Variants in PRRC2B observed in about 807,000 individuals in gnomAD.
The protein encoded by PRRC2B is protein PRRC2B.
In PRRC2B, 68 loss-of-function variants were observed where a neutral mutation model predicts 242.3. That is an observed-to-expected ratio of 0.28 (90% CI 0.23 to 0.34). The LOEUF (loss-of-function observed/expected upper bound fraction) is 0.34. Among genes scored for constraint, PRRC2B ranks in the 10% least tolerant of loss-of-function variants. The pLI, the probability that PRRC2B is intolerant of heterozygous loss-of-function variation, is 1.00. For missense variants in PRRC2B, 2,835 were observed against 2,954.8 expected (o/e 0.96, Z 0.94); for synonymous variants, 1,228 against 1,173.6 (o/e 1.05, Z -0.95).
intron 2 of PRRC2B, among the ~76,000 whole-genome samples, chr9:131,431,345 C>T (rs9802850): frequency 0.88 from 134,296 of 151,884 alleles, 59,835 homozygotes; most frequent in South Asian, 0.97. Flanking sequence ...TTAGCCAGAT[C>T]GGTCTTGATC....
At chr9:131,464,694 A>C (rs1943341180) in intron 11 of PRRC2B, 69 bp from the exon 12 acceptor site, 4 of 1,392,988 alleles carry the variant, frequency 2.9e-6, no homozygotes, top group African/African-American at 1.4e-5. Context: ...ACTGATCCCA[A>C]AGTGGGAGTG....
intron 1 of PRRC2B, among the ~76,000 whole-genome samples, chr9:131,420,502 T>TCTTTC (rs1564278677): frequency 2.0e-5 from 2 of 97,896 alleles, no homozygotes; most frequent in African/African-American, 4.2e-5. Flanking sequence ...TCTTTTTTTT[T>TCTTTC]TTTTTTTTGA....
At chr9:131,452,542 T>A (rs1291471837) in intron 9 of PRRC2B, among the ~76,000 whole-genome samples, 4 of 152,212 alleles carry the variant, frequency 2.6e-5, no homozygotes, top group Non-Finnish European at 5.9e-5. Flanking sequence ...CCTTTTGATG[T>A]CTGTAGGATC....
intron 10 of PRRC2B, among the ~76,000 whole-genome samples, chr9:131,456,052 G>T (rs1325252763): frequency 6.6e-6 from 1 of 151,928 alleles, no homozygotes; most frequent in Non-Finnish European, 1.5e-5. Context: ...GGCAGAGGTT[G>T]CAGTGAGCCA....
chr9:131,481,608 G>C, intron 19 of PRRC2B, 118 bp from the exon 20 acceptor site: 1 of 795,920 alleles, frequency 1.3e-6, no homozygotes, highest in Non-Finnish European at 2.1e-6. Flanking sequence ...GGCGGGTGCA[G>C]GGGAGGCAGG....
chr9:131,410,126 C>T (rs1421373281), intron 1 of PRRC2B, among the ~76,000 whole-genome samples: 1 of 152,192 alleles, frequency 6.6e-6, no homozygotes, highest in Non-Finnish European at 1.5e-5. Flanking sequence ...CCCCACCCCC[C>T]TTGCTAAATT....
intron 3 of PRRC2B, among the ~76,000 whole-genome samples, 192 bp downstream of exon 3, chr9:131,432,986 C>T (rs1447470495): frequency 6.6e-6 from 1 of 152,210 alleles, no homozygotes; most frequent in Non-Finnish European, 1.5e-5. Flanking sequence ...GTTTCTTTTT[C>T]CCTGCCTTCA....
At chr9:131,397,092 G>A (rs887397794) in intron 1 of PRRC2B, among the ~76,000 whole-genome samples, 2 of 152,120 alleles carry the variant, frequency 1.3e-5, no homozygotes, top group African/African-American at 4.8e-5. Context: ...ATTTTTCCTC[G>A]CTTCCTGCCT....
intron 11 of PRRC2B, among the ~76,000 whole-genome samples, chr9:131,460,092 CTGA>C (rs1181976424): frequency 3.9e-5 from 6 of 151,928 alleles, no homozygotes; most frequent in Admixed American, 3.9e-4. Flanking sequence ...AGTTGACAAC[CTGA>C]TGAGACTCTT....
intron 12 of PRRC2B, among the ~76,000 whole-genome samples, chr9:131,466,550 A>T (rs911071323): frequency 2.0e-5 from 3 of 151,466 alleles, no homozygotes; most frequent in African/African-American, 7.3e-5. Context: ...CAGCATTTCC[A>T]TATGTTGAGT....
intron 1 of PRRC2B, among the ~76,000 whole-genome samples, chr9:131,421,151 G>T (rs1174240064): frequency 6.6e-6 from 1 of 152,220 alleles, no homozygotes; most frequent in African/African-American, 2.4e-5. Context: ...TACATTTACT[G>T]TCTGGCCCTT....
intron 29 of PRRC2B, among the ~76,000 whole-genome samples, chr9:131,491,924 G>A (rs1944206978): frequency 6.6e-6 from 1 of 151,936 alleles, no homozygotes; most frequent in South Asian, 2.1e-4. Context: ...GGCTTAGAGG[G>A]AAAGGGCTTG....
At chr9:131,401,905 C>T in intron 1 of PRRC2B, among the ~76,000 whole-genome samples, 1 of 151,850 alleles carries the variant, frequency 6.6e-6, no homozygotes, top group Non-Finnish European at 1.5e-5. Context: ...AGGTGATCTG[C>T]CCACCTCGAC....
At chr9:131,378,309 CAAAA>C (rs761589088) in intron 1 of PRRC2B, among the ~76,000 whole-genome samples, 2 of 58,588 alleles carry the variant, frequency 3.4e-5, no homozygotes, top group Middle Eastern at 9.4e-3. Flanking sequence ...AACTCTGTCT[CAAAA>C]AAAAAAAAAA....
rs1476491733 is a variant in PRRC2B, at chr9:131,446,835, T to C, written c.855+193T>C. Among the ~76,000 whole-genome samples, 1 of 152,196 alleles carries C rather than the reference T, an allele frequency of 6.6e-6. No individual in the cohort carries two copies. Reference sequence around the variant, plus strand: ...GGCCTCTGACTTCTTTCCCTGGTGATGTGGATATGATTTTAGCCTTTGGTT... The same window carrying C: ...GGCCTCTGACTTCTTTCCCTGGTGACGTGGATATGATTTTAGCCTTTGGTT... On this transcript the variant is annotated intron_variant, in intron 7 of 31. Transcript: ENST00000683519. This position sits in a 1 kb window ranked among gnomAD's most constrained non-coding sequence, Gnocchi z 4.1.
Position 131,485,115 on chromosome 9 carries a change from T to C in PRRC2B, c.5733T>C (p.Ser1911=), listed in dbSNP as rs367702402. 44 of 1,595,832 alleles carry C rather than the reference T, an allele frequency of 2.8e-5. No homozygotes were observed. In the African/African-American group the frequency reaches 5.5e-4, roughly 20 times the overall value. The change falls in exon 25 of 32, where the codon TCT becomes TCC. Residue 1911 remains serine, a synonymous_variant. Transcript: ENST00000683519. ...GVSMPPMPVA[S]VAPSASMPGS... is the part of the protein sequence containing the mutation. ...CCATGCCACCCATGCCTGTGGCCTCTGTAGCACCTTCTGCTTCTATGCCAG... is the reference window on the plus strand; with the variant it reads ...CCATGCCACCCATGCCTGTGGCCTCCGTAGCACCTTCTGCTTCTATGCCAG...
intron 1 of PRRC2B, among the ~76,000 whole-genome samples, chr9:131,424,189 G>C (rs905547503): frequency 2.0e-5 from 3 of 152,292 alleles, no homozygotes; most frequent in Admixed American, 6.5e-5. Flanking sequence ...TGATCCGCCT[G>C]CTTCAGCTCC....
chr9:131,452,923 T>C (rs1942966251), intron 9 of PRRC2B, among the ~76,000 whole-genome samples: 1 of 152,248 alleles, frequency 6.6e-6, no homozygotes, highest in African/African-American at 2.4e-5. Context: ...GTGTCATGTT[T>C]TGTATGTTCC....
intron 1 of PRRC2B, among the ~76,000 whole-genome samples, chr9:131,420,493 CTTTTTTTT>C (rs146073511): frequency 2.0e-4 from 6 of 30,168 alleles, no homozygotes; most frequent in Non-Finnish European, 3.2e-4. Flanking sequence ...TTCTTTCTTT[CTTTTTTTT>C]TTTTTTTTTG....
Sources: allele counts gnomAD v4.1 joint callset (sites outside exome capture counted in the v4.1 genomes callset), GRCh38; gene constraint gnomAD v4.1.1; non-coding constraint Gnocchi (gnomAD v3.1); transcripts MANE v1.5; gene names NCBI Gene and HGNC (gene_info 2026-07-23, HGNC 2026-07-21).